RAB8B: variants seen among roughly 807,000 people sequenced by gnomAD.
RAB8B encodes the protein ras-related protein Rab-8B.
In RAB8B, 11 loss-of-function variants were observed where a neutral mutation model predicts 32.0. The observed-to-expected ratio is 0.34, with a 90% CI of 0.22 to 0.57. The LOEUF (loss-of-function observed/expected upper bound fraction) is 0.57, where lower values mean the gene tolerates loss of function less well. Among genes scored for constraint, RAB8B ranks in the 20% least tolerant of loss-of-function variants. The pLI, the probability that RAB8B is intolerant of heterozygous loss-of-function variation, is 0.86. For missense variants in RAB8B, 190 were observed against 258.5 expected (o/e 0.73, Z 1.82); for synonymous variants, 103 against 89.6 (o/e 1.15, Z -0.85).
At chr15:63,239,505 TG>T (rs2038013947) in intron 1 of RAB8B, among the ~76,000 whole-genome samples, 1 of 149,798 alleles carries the variant, frequency 6.7e-6, no homozygotes, top group African/African-American at 2.5e-5. Context: ...CTCTACCTCC[TG>T]GGTTCAAGTG....
rs568574762 is a variant in RAB8B, at chr15:63,241,062, G to T, written c.125-3694G>T. Among the ~76,000 whole-genome samples the T allele has an allele frequency of 3.3e-5, 5 of 152,314 alleles. No homozygotes were observed. In the South Asian group the frequency reaches 8.3e-4, roughly 25 times the overall value. On this transcript the variant is annotated intron_variant, in intron 1 of 7. Coordinates refer to ENST00000321437, the MANE Select transcript of RAB8B (RefSeq NM_016530.3). Reference sequence around the variant, plus strand: ...TCGTTTATTTAAAACGTGAATGAAGGTTGGGCAGGCTAGCTCACACCTGTA... The same window carrying T: ...TCGTTTATTTAAAACGTGAATGAAGTTTGGGCAGGCTAGCTCACACCTGTA...
In RAB8B at chr15:63,264,755, A is replaced by G. The variant is rs1029773501; in HGVS notation, c.*1136A>G. 5 of 152,238 alleles carry G rather than the reference A, an allele frequency of 3.3e-5. No individual in the cohort carries two copies. The highest frequency in any genetic ancestry group is 9.6e-5 in the African/African-American group (4 of 41,474). 9.4% of individuals were successfully genotyped at this position (152,238 alleles called of 1,614,324 possible). A position where few individuals can be genotyped will look rare whatever the true frequency, so the allele number is the denominator to read the frequency against. On this transcript the variant is annotated 3_prime_UTR_variant, in exon 8 of 8. Transcript: ENST00000321437. Reference sequence around the variant, plus strand: ...TTTGGCAGATGTTTTTAGAAATAAAAGTACTTAGACCTAGTGCAGCCTCTA... The same window carrying G: ...TTTGGCAGATGTTTTTAGAAATAAAGGTACTTAGACCTAGTGCAGCCTCTA...
intron 6 of RAB8B, among the ~76,000 whole-genome samples, 179 bp from the exon 7 acceptor site, chr15:63,262,513 C>A (rs2038210873): frequency 6.6e-6 from 1 of 151,648 alleles, no homozygotes; most frequent in Non-Finnish European, 1.5e-5. Flanking sequence ...CACCTGTAGT[C>A]CCAGCTACTT....
chr15:63,200,529 T>C (rs1310608164), intron 1 of RAB8B, among the ~76,000 whole-genome samples: 2 of 152,078 alleles, frequency 1.3e-5, no homozygotes, highest in African/African-American at 2.4e-5. Flanking sequence ...GGCTCACGCA[T>C]GCAATCCCAG....
At chr15:63,247,885 C>G (rs1459243687) in intron 2 of RAB8B, among the ~76,000 whole-genome samples, 3 of 152,134 alleles carry the variant, frequency 2.0e-5, no homozygotes, top group Non-Finnish European at 4.4e-5. Flanking sequence ...TGATTGGCTT[C>G]CTAGTGGTTT....
chr15:63,201,343 G>A (rs2037648333), intron 1 of RAB8B, among the ~76,000 whole-genome samples: 1 of 152,214 alleles, frequency 6.6e-6, no homozygotes, highest in South Asian at 2.1e-4. Context: ...GACCCCAAAG[G>A]AGGAGTTAGT....
intron 3 of RAB8B, among the ~76,000 whole-genome samples, chr15:63,253,654 A>G (rs2152582161): frequency 6.6e-6 from 1 of 152,272 alleles, no homozygotes; most frequent in Non-Finnish European, 1.5e-5. Context: ...TCATCTCTAA[A>G]AAAAAGAAAG....
chr15:63,198,880 C>T (rs539420396), intron 1 of RAB8B, among the ~76,000 whole-genome samples: 6 of 152,248 alleles, frequency 3.9e-5, no homozygotes, highest in Admixed American at 6.5e-5. Context: ...CACATACATA[C>T]GAATACACAA....
At chr15:63,194,556 A>G (rs2037585351) in intron 1 of RAB8B, among the ~76,000 whole-genome samples, 1 of 152,248 alleles carries the variant, frequency 6.6e-6, no homozygotes, top group Non-Finnish European at 1.5e-5. Flanking sequence ...GTTTCACATT[A>G]GGAGATCAAA....
In RAB8B at chr15:63,209,632, C is replaced by T. The variant is rs567758319; in HGVS notation, c.124+19884C>T. On this transcript the variant is annotated intron_variant, in intron 1 of 7. Transcript: ENST00000321437. ...AAGAAATAATTTGATGAAATAAAAC[C>T]GTCATTTTCTGGGGAAGGGAGCCTT... Among the ~76,000 whole-genome samples the T allele has an allele frequency of 3.4e-4, 51 of 151,746 alleles. No individual in the cohort carries two copies. In the South Asian group the frequency reaches 4.8e-3, roughly 14 times the overall value.
intron 1 of RAB8B, among the ~76,000 whole-genome samples, chr15:63,222,785 C>T (rs553129580): frequency 1.3e-4 from 20 of 152,304 alleles, no homozygotes; most frequent in Non-Finnish European, 2.8e-4. Flanking sequence ...AAGTGATCCT[C>T]CCGCTTTGGC....
At chr15:63,224,384 T>G (rs73441279) in intron 1 of RAB8B, among the ~76,000 whole-genome samples, 1,924 of 152,356 alleles carry the variant, frequency 0.013, 39 homozygotes, top group African/African-American at 0.045. Flanking sequence ...TTCCTAGTCT[T>G]ACTGTAGAAC....
chr15:63,218,241 T>TAACGTAA (rs1400672742), intron 1 of RAB8B, among the ~76,000 whole-genome samples: 2 of 152,216 alleles, frequency 1.3e-5, no homozygotes, highest in Non-Finnish European at 2.9e-5. Flanking sequence ...TCTGGACCTC[T>TAACGTAA]GTTTCCTCTT....
At chr15:63,244,088 C>T (rs1292764072) in intron 1 of RAB8B, among the ~76,000 whole-genome samples, 1 of 152,196 alleles carries the variant, frequency 6.6e-6, no homozygotes, top group Non-Finnish European at 1.5e-5. Context: ...TCTAAGGTCC[C>T]ACAATGGCAA....
intron 1 of RAB8B, among the ~76,000 whole-genome samples, chr15:63,229,617 C>T (rs893495898): frequency 2.0e-5 from 3 of 151,760 alleles, no homozygotes; most frequent in African/African-American, 7.3e-5. Flanking sequence ...CATGTCTCAA[C>T]TAAAAATCCA....
rs377542561 is a variant in RAB8B at position 63,251,413 on chromosome 15, A to G, written c.246+1708A>G. On this transcript the variant is annotated intron_variant, in intron 3 of 7. Transcript: ENST00000321437. ...AGCAGTTTTTTGCATGCTAGGAATGATGTGCTGACACCATTTGCATGCTCA... is the reference window on the plus strand; with the variant it reads ...AGCAGTTTTTTGCATGCTAGGAATGGTGTGCTGACACCATTTGCATGCTCA... The G allele has an allele frequency of 8.8e-5, 38 of 432,780 alleles. 1 individual carries two copies. In the East Asian group the frequency reaches 2.6e-3, roughly 30 times the overall value. The allele number at this position is 432,780 out of a possible 1,614,324, so 26.8% of individuals were successfully genotyped here.
In RAB8B at chr15:63,248,892, A is replaced by G. The variant is rs946753008; in HGVS notation, c.186-753A>G. 2.0e-5 allele frequency among the ~76,000 whole-genome samples: 3 copies of G among 152,154 alleles called. No homozygotes were observed. Among genetic ancestry groups the G allele is most frequent in the Non-Finnish European group, 4.4e-5 (3 of 68,022 alleles). Reference sequence around the variant, plus strand: ...GTTCTGGCTGGAAGTGGGAAATTTGAGAATATTGATTTTCTCAAGTATCAA... The same window carrying G: ...GTTCTGGCTGGAAGTGGGAAATTTGGGAATATTGATTTTCTCAAGTATCAA... On this transcript the variant is annotated intron_variant, in intron 2 of 7. Transcript: ENST00000321437. This position sits in a 1 kb window ranked among gnomAD's most constrained non-coding sequence, Gnocchi z 4.4.
intron 2 of RAB8B, among the ~76,000 whole-genome samples, chr15:63,247,759 G>C (rs1212220787): frequency 6.6e-6 from 1 of 152,190 alleles, no homozygotes; most frequent in African/African-American, 2.4e-5. Context: ...GACAGAAGAA[G>C]AATATCCCCC....
At chr15:63,197,047 G>A (rs1205494053) in intron 1 of RAB8B, among the ~76,000 whole-genome samples, 2 of 152,148 alleles carry the variant, frequency 1.3e-5, no homozygotes, top group African/African-American at 4.8e-5. Context: ...ATTAGCAGAT[G>A]GAGCTGTGTT....
Sources: allele counts gnomAD v4.1 joint callset (sites outside exome capture counted in the v4.1 genomes callset), GRCh38; gene constraint gnomAD v4.1.1; non-coding constraint Gnocchi (gnomAD v3.1); transcripts MANE v1.5; gene names NCBI Gene and HGNC (gene_info 2026-07-23, HGNC 2026-07-21).